Variants in TWIST2 observed in about 807,000 individuals in gnomAD.
TWIST2 encodes the protein twist family bHLH transcription factor 2, also known as twist-related protein 2.
In TWIST2, 1 loss-of-function variant was observed where a neutral mutation model predicts 11.6. The observed-to-expected ratio is 0.09, with a 90% CI of 0.03 to 0.41. The LOEUF is 0.41. TWIST2 is among the 10% of genes least tolerant of loss of function. TWIST2 has a pLI of 0.98. For synonymous variants in TWIST2, 87 were observed against 96.6 expected (o/e 0.90, Z 0.58); for missense variants, 168 against 226.4 (o/e 0.74, Z 1.66).
At chr2:238,893,353 T>G (rs1002705945) in intron 1 of TWIST2, among the ~76,000 whole-genome samples, 8 of 152,212 alleles carry the variant, frequency 5.3e-5, no homozygotes, top group Non-Finnish European at 8.8e-5. Flanking sequence ...AAGCTGGCCC[T>G]GGTTACAGAT....
chr2:238,869,492 A>G (rs969234798), intron 1 of TWIST2, among the ~76,000 whole-genome samples: 3 of 152,254 alleles, frequency 2.0e-5, no homozygotes, highest in African/African-American at 7.2e-5. Flanking sequence ...CAGGACTCCT[A>G]TGATTCAACA....
intron 1 of TWIST2, among the ~76,000 whole-genome samples, chr2:238,854,374 G>T (rs1343291923): frequency 1.3e-5 from 2 of 152,138 alleles, no homozygotes. Flanking sequence ...GTGCAGGTCT[G>T]GTGTGCGACT....
chr2:238,848,831 C>T (rs1692183885), intron 1 of TWIST2, 98 bp downstream of exon 1: 1 of 984,334 alleles, frequency 1.0e-6, no homozygotes, highest in Non-Finnish European at 1.3e-6. Context: ...CGGCGAGGCC[C>T]CGCGGGCCGC....
intron 1 of TWIST2, among the ~76,000 whole-genome samples, chr2:238,873,968 T>C (rs1409799034): frequency 2.0e-5 from 3 of 152,106 alleles, no homozygotes; most frequent in East Asian, 3.8e-4. Context: ...TGCTGATCCA[T>C]GTTCCATCAA....
chr2:238,865,808 C>T (rs150750324), intron 1 of TWIST2, among the ~76,000 whole-genome samples: 11 of 152,252 alleles, frequency 7.2e-5, no homozygotes, highest in Non-Finnish European at 1.2e-4. Flanking sequence ...AATTTAGATG[C>T]TCTGTGTAGG....
rs543544180 is a variant in TWIST2 at position 238,887,773 on chromosome 2, T to TACC, written c.*36-22067_*36-22065dup. 1.9e-3 allele frequency among the ~76,000 whole-genome samples: 291 copies of TACC among 152,336 alleles called. 1 individual carries two copies. Among genetic ancestry groups the TACC allele is most frequent in the African/African-American group, 6.6e-3 (276 of 41,584 alleles). ...CAGGTTCTCAAGACTGTGGAGGCTC[T>TACC]ACCAGCCTGAGTCCCTTCGTGACTG... On this transcript the variant is annotated intron_variant, in intron 1 of 1. Transcript: ENST00000612363.
At chr2:238,852,679 G>A (rs954473624) in intron 1 of TWIST2, among the ~76,000 whole-genome samples, 4 of 72,504 alleles carry the variant, frequency 5.5e-5, no homozygotes, top group East Asian at 5.7e-4. Context: ...GCACATGCAC[G>A]TGCACACACA....
At position 238,848,672 on chromosome 2, in the gene TWIST2, G is replaced by T; in HGVS notation, c.457G>T (p.Ala153Ser). 6.5e-7 allele frequency: 1 copy of T among 1,532,744 alleles called. No individual in the cohort carries two copies. The highest frequency in any genetic ancestry group is 1.4e-5 in the African/African-American group (1 of 73,084). 94.9% of individuals were successfully genotyped at this position (1,532,744 alleles called of 1,614,324 possible). ...CTTCTCCGTGTGGCGCATGGAGGGCGCGTGGTCCATGTCCGCCTCCCACTA... is the reference window on the plus strand; with the variant it reads ...CTTCTCCGTGTGGCGCATGGAGGGCTCGTGGTCCATGTCCGCCTCCCACTA... The part of the protein sequence containing the change: ...YAFSVWRMEG[A>S]WSMSASH Residue 153 changes from alanine to serine, a missense_variant, in exon 1 of 2, where the codon GCG becomes TCG. By Grantham distance (99) the Ala-to-Ser change is moderately conservative. This residue lies in a region of TWIST2 where 62 missense variants were observed against 75.3 expected (regional missense o/e 0.82). Transcript: ENST00000612363.
At chr2:238,899,750 T>A (rs1693247832) in intron 1 of TWIST2, among the ~76,000 whole-genome samples, 1 of 152,252 alleles carries the variant, frequency 6.6e-6, no homozygotes. Flanking sequence ...TGACTTGATT[T>A]GCTAATGTCT....
In TWIST2 at chr2:238,848,722, C is replaced by T. The variant is rs1217650618; in HGVS notation, c.*24C>T. On this transcript the variant is annotated 3_prime_UTR_variant, in exon 1 of 2. Coordinates refer to ENST00000612363, the MANE Select transcript of TWIST2 (RefSeq NM_001271893.4). Reference sequence around the variant, plus strand: ...AGCGCCGCGCCACCCACCTCCGGACCGGCGCGCCAGGGTAGGTGCTGCGCG... The same window carrying T: ...AGCGCCGCGCCACCCACCTCCGGACTGGCGCGCCAGGGTAGGTGCTGCGCG... 1 of 1,475,890 alleles carries T rather than the reference C, an allele frequency of 6.8e-7. No individual in the cohort carries two copies. Among genetic ancestry groups the T allele is most frequent in the Non-Finnish European group, 9.0e-7 (1 of 1,114,530 alleles). 91.4% of individuals were successfully genotyped at this position (1,475,890 alleles called of 1,614,324 possible). A position where few individuals can be genotyped will look rare whatever the true frequency, so the allele number is the denominator to read the frequency against.
chr2:238,868,829 A>G (rs2106356843), intron 1 of TWIST2, among the ~76,000 whole-genome samples: 2 of 152,264 alleles, frequency 1.3e-5, no homozygotes, highest in Admixed American at 1.3e-4. Flanking sequence ...GGCTGGAGGG[A>G]GCGCTGCGTG....
Position 238,877,328 on chromosome 2 carries a change from G to C in TWIST2, c.*35+28595G>C, listed in dbSNP as rs151277086. The stretch of plus-strand genomic sequence containing the variant: ...ATGATTCTATATGGATTATGAAAAA[G>C]AAATAGACATAGGGCTATTGGCAAG... On this transcript the variant is annotated intron_variant, in intron 1 of 1. Transcript: ENST00000612363. Among the ~76,000 whole-genome samples the C allele has an allele frequency of 5.6e-4, 85 of 152,188 alleles. No homozygotes were observed. The East Asian group carries it at 0.014, about 26-fold the overall frequency.
At chr2:238,849,382 C>T (rs1390117086) in intron 1 of TWIST2, among the ~76,000 whole-genome samples, 1 of 152,194 alleles carries the variant, frequency 6.6e-6, no homozygotes, top group African/African-American at 2.4e-5. Flanking sequence ...GGGGCCAGAG[C>T]AGCCACAGGG....
chr2:238,850,962 TTC>T (rs1692231612), intron 1 of TWIST2, among the ~76,000 whole-genome samples: 1 of 152,242 alleles, frequency 6.6e-6, no homozygotes, highest in Admixed American at 6.5e-5. Context: ...CATCTTGTCA[TTC>T]TTTTTGTCTT....
At chr2:238,903,106 G>A (rs1327361835) in intron 1 of TWIST2, among the ~76,000 whole-genome samples, 8 of 143,544 alleles carry the variant, frequency 5.6e-5, no homozygotes, top group East Asian at 2.2e-4. Flanking sequence ...GGGTATGTGC[G>A]TGATGTGAGG....
chr2:238,907,187 C>T (rs1351756188), intron 1 of TWIST2, among the ~76,000 whole-genome samples: 3 of 152,204 alleles, frequency 2.0e-5, no homozygotes, highest in Non-Finnish European at 4.4e-5. Flanking sequence ...GTGTTCGCCA[C>T]ACTCCCGACC....
chr2:238,859,751 C>T (rs1408261723), intron 1 of TWIST2, among the ~76,000 whole-genome samples: 4 of 152,142 alleles, frequency 2.6e-5, no homozygotes, highest in African/African-American at 9.7e-5. Flanking sequence ...TGCCTAAGAG[C>T]ATTTTCGACA....
intron 1 of TWIST2, among the ~76,000 whole-genome samples, chr2:238,901,852 C>A (rs1468102015): frequency 6.6e-6 from 1 of 152,044 alleles, no homozygotes; most frequent in Non-Finnish European, 1.5e-5. Context: ...CTGCTGTGAT[C>A]TCACCCTGGC....
At chr2:238,907,618 T>G (rs1207310926) in intron 1 of TWIST2, among the ~76,000 whole-genome samples, 1 of 151,952 alleles carries the variant, frequency 6.6e-6, no homozygotes, top group Admixed American at 6.6e-5. Context: ...AAGAATTGTG[T>G]GTCTTGATCA....
Sources: gnomAD v4.1 joint callset for allele counts (sites outside exome capture counted in the v4.1 genomes callset) on GRCh38, gnomAD v4.1.1 for gene constraint, gnomAD v4.1.1 regional missense constraint, MANE v1.5 for transcripts, NCBI Gene and HGNC (gene_info 2026-07-23, HGNC 2026-07-21) for gene names.